ULK4: variants seen among roughly 807,000 people sequenced by gnomAD.
The protein encoded by ULK4 is inactive serine/threonine-protein kinase ULK4.
ULK4 carries 133 observed loss-of-function variants against 160.6 expected under a neutral mutation model. The observed-to-expected ratio is 0.83, with a 90% confidence interval of 0.72 to 0.96. ULK4 has a LOEUF of 0.96. Among genes scored for constraint, ULK4 ranks in the 40% least tolerant of loss-of-function variants. The probability of loss-of-function intolerance (pLI) is 0.00; values close to 1 mark genes in which losing one functional copy is unlikely to be tolerated. For synonymous variants in ULK4, 534 were observed against 539.8 expected (o/e 0.99, Z 0.15); for missense variants, 1,580 against 1,499.5 (o/e 1.05, Z -0.89).
chr3:41,748,317 C>CATAT (rs969449044), intron 22 of ULK4, among the ~76,000 whole-genome samples: 1 of 148,312 alleles, frequency 6.7e-6, no homozygotes, highest in African/African-American at 2.5e-5. Context: ...ACGCACATAC[C>CATAT]ATATATATAT....
chr3:41,905,156 A>G (rs1163313066), intron 12 of ULK4, among the ~76,000 whole-genome samples: 1 of 152,372 alleles, frequency 6.6e-6, no homozygotes, highest in Middle Eastern at 3.4e-3. Context: ...ATAACAGAAC[A>G]GAATCCAGAA....
At chr3:41,952,665 TTAAAA>T (rs1425301296) in intron 2 of ULK4, among the ~76,000 whole-genome samples, 2 of 152,164 alleles carry the variant, frequency 1.3e-5, no homozygotes, top group Admixed American at 1.3e-4. Flanking sequence ...ATGGCAAGTC[TTAAAA>T]TAATTAAAAA....
At chr3:41,837,099 C>T (rs1243071969) in intron 17 of ULK4, among the ~76,000 whole-genome samples, 4 of 152,192 alleles carry the variant, frequency 2.6e-5, no homozygotes, top group African/African-American at 9.6e-5. Context: ...AATTCCACAA[C>T]ATCCAAGCAT....
At chr3:41,724,749 T>C (rs2037591502) in intron 22 of ULK4, among the ~76,000 whole-genome samples, 1 of 151,878 alleles carries the variant, frequency 6.6e-6, no homozygotes, top group Admixed American at 6.6e-5. Flanking sequence ...AAAATTCCAG[T>C]TTTTCTATAT....
Position 41,378,910 on chromosome 3 carries a change from A to G in ULK4, c.3678+19169T>C, listed in dbSNP as rs532381954. ...ATGAGTTCAAGTCCTTTGTGGGGACATGGATGAAGCTGGAAACCATCATTC... is the reference window on the plus strand; with the variant it reads ...ATGAGTTCAAGTCCTTTGTGGGGACGTGGATGAAGCTGGAAACCATCATTC... On this transcript the variant is annotated intron_variant, in intron 35 of 36. Transcript: ENST00000301831. 2.7e-4 allele frequency among the ~76,000 whole-genome samples: 41 copies of G among 152,316 alleles called. No homozygotes were observed. The South Asian group carries it at 8.5e-3, about 32-fold the overall frequency.
chr3:41,669,598 A>G (rs115083972), intron 29 of ULK4, among the ~76,000 whole-genome samples: 3,899 of 152,232 alleles, frequency 0.026, 116 homozygotes, highest in Non-Finnish European at 0.032. Context: ...CTATCCCTAG[A>G]GATTCTACAA....
intron 34 of ULK4, among the ~76,000 whole-genome samples, chr3:41,441,918 C>A (rs1446769819): frequency 1.3e-5 from 2 of 152,084 alleles, no homozygotes; most frequent in Non-Finnish European, 2.9e-5. Flanking sequence ...AGGACATGAC[C>A]TTCTTTATCT....
intron 22 of ULK4, among the ~76,000 whole-genome samples, chr3:41,723,310 T>C (rs1474742695): frequency 6.6e-6 from 1 of 152,148 alleles, no homozygotes; most frequent in Non-Finnish European, 1.5e-5. Flanking sequence ...GTTGTTGATC[T>C]TTTGTTATTG....
chr3:41,877,439 G>A lies in ULK4; in HGVS notation c.1656+6435C>T, dbSNP rs180745588. Among the ~76,000 whole-genome samples, 650 of 151,802 alleles carry A rather than the reference G, an allele frequency of 4.3e-3. 2 individuals are homozygous for A. The highest frequency in any genetic ancestry group is 7.4e-3 in the Non-Finnish European group (506 of 67,928). On this transcript the variant is annotated intron_variant, in intron 17 of 36. Coordinates refer to ENST00000301831, the MANE Select transcript of ULK4 (RefSeq NM_017886.4). ...CCTCCTGGGTTCAAGCAATTCTCAT[G>A]CCCCAGCCTCCCAAGGAGCCAGGAT...
intron 17 of ULK4, among the ~76,000 whole-genome samples, chr3:41,843,752 T>C (rs1211665238): frequency 1.3e-5 from 2 of 151,776 alleles, no homozygotes; most frequent in East Asian, 1.9e-4. Context: ...GGGACCCGAG[T>C]GGGTTGCCAC....
intron 22 of ULK4, among the ~76,000 whole-genome samples, chr3:41,726,457 A>T (rs2037655258): frequency 6.6e-6 from 1 of 152,274 alleles, no homozygotes; most frequent in African/African-American, 2.4e-5. Context: ...GAAACATTTG[A>T]GCATAGTGTC....
chr3:41,852,052 G>T (rs1488292059), intron 17 of ULK4, among the ~76,000 whole-genome samples: 1 of 152,028 alleles, frequency 6.6e-6, no homozygotes, highest in Non-Finnish European at 1.5e-5. Context: ...TGATAAAGGG[G>T]ATATCACCAC....
chr3:41,641,771 C>T (rs1448113765), intron 30 of ULK4, among the ~76,000 whole-genome samples: 3 of 150,160 alleles, frequency 2.0e-5, no homozygotes, highest in African/African-American at 7.3e-5. Flanking sequence ...GGAAATGTAA[C>T]ATATTTTTCC....
intron 17 of ULK4, among the ~76,000 whole-genome samples, chr3:41,846,968 C>T (rs1358461350): frequency 6.6e-6 from 1 of 152,104 alleles, no homozygotes; most frequent in African/African-American, 2.4e-5. Flanking sequence ...CATATCTATA[C>T]CATCACTGGT....
At chr3:41,788,288 T>C (rs2040052531) in intron 21 of ULK4, among the ~76,000 whole-genome samples, 1 of 152,216 alleles carries the variant, frequency 6.6e-6, no homozygotes, top group Non-Finnish European at 1.5e-5. Context: ...ATGTGTTTCA[T>C]TTAAAGCAGA....
At chr3:41,386,535 TG>T (rs1227603446) in intron 35 of ULK4, among the ~76,000 whole-genome samples, 1 of 152,146 alleles carries the variant, frequency 6.6e-6, no homozygotes, top group Non-Finnish European at 1.5e-5. Flanking sequence ...GAGGGAGAAT[TG>T]GAGCCACAGC....
chr3:41,297,795 A>G (rs554279840), intron 35 of ULK4, among the ~76,000 whole-genome samples: 203 of 152,354 alleles, frequency 1.3e-3, no homozygotes, highest in African/African-American at 4.6e-3. Flanking sequence ...GTGTCTCCAT[A>G]AGAGGCTGAG....
chr3:41,600,393 T>C (rs1431620557), intron 31 of ULK4, among the ~76,000 whole-genome samples: 3 of 152,066 alleles, frequency 2.0e-5, no homozygotes, highest in African/African-American at 7.2e-5. Flanking sequence ...TCTAAAGAAG[T>C]ATGGGTTGCA....
At chr3:41,377,271 C>T (rs1488452453) in intron 35 of ULK4, among the ~76,000 whole-genome samples, 1 of 152,128 alleles carries the variant, frequency 6.6e-6, no homozygotes, top group Non-Finnish European at 1.5e-5. Context: ...CATAAAAACC[C>T]TAGAAGAAAA....
Sources: allele counts gnomAD v4.1 joint callset (sites outside exome capture counted in the v4.1 genomes callset), GRCh38; gene constraint gnomAD v4.1.1; transcripts MANE v1.5; gene names NCBI Gene and HGNC (gene_info 2026-07-23, HGNC 2026-07-21).